The following C1QL1 variants were observed in gnomAD, a reference collection of about 807,000 sequenced individuals.
The protein encoded by C1QL1 is complement C1q like 1.
Under a neutral mutation model 14.2 loss-of-function variants are expected in C1QL1, and 15 were observed. The observed-to-expected ratio is 1.06, with a 90% CI of 0.71 to 1.62. C1QL1 has a LOEUF of 1.62. Ranked by LOEUF, C1QL1 falls within the 40% of genes most tolerant of loss-of-function variation. The probability of loss-of-function intolerance (pLI) is 0.00; values close to 1 mark genes in which losing one functional copy is unlikely to be tolerated. For synonymous variants in C1QL1, 172 were observed against 172.4 expected (o/e 1.00, Z 0.02); for missense variants, 346 against 380.3 (o/e 0.91, Z 0.75).
rs534330821 is a variant in C1QL1 at position 44,967,355 on chromosome 17, G to T, written c.597+97C>A. On this transcript the variant is annotated intron_variant, in intron 1 of 1. Coordinates refer to ENST00000253407, the MANE Select transcript of C1QL1 (RefSeq NM_006688.5). This position sits in a 1 kb window ranked among gnomAD's most constrained non-coding sequence, Gnocchi z 7.0. Reference sequence around the variant, plus strand: ...TGGGGTGGGATCTCCACCTGCGTCCGCCTGGCGCCCCCGCCAACTCCGATC... The same window carrying T: ...TGGGGTGGGATCTCCACCTGCGTCCTCCTGGCGCCCCCGCCAACTCCGATC... 7.6e-7 allele frequency: 1 copy of T among 1,311,184 alleles called. No individual in the cohort carries two copies. The highest frequency in any genetic ancestry group is 1.1e-6 in the Non-Finnish European group (1 of 950,064). 81.2% of individuals were successfully genotyped at this position (1,311,184 alleles called of 1,614,324 possible). A position where few individuals can be genotyped will look rare whatever the true frequency, so the allele number is the denominator to read the frequency against.
chr17:44,967,932 GC>G lies in C1QL1; in HGVS notation c.116del (p.Gly39AlafsTer14). 7.8e-7 allele frequency: 1 copy of G among 1,280,812 alleles called. No homozygotes were observed. The highest frequency in any genetic ancestry group is 3.0e-5 in the South Asian group (1 of 32,836). 79.3% of individuals were successfully genotyped at this position (1,280,812 alleles called of 1,614,324 possible). A position where few individuals can be genotyped will look rare whatever the true frequency, so the allele number is the denominator to read the frequency against. On this transcript the variant is annotated frameshift_variant, in exon 1 of 2. Transcript: ENST00000253407. LOFTEE classifies it high-confidence loss of function. The surrounding 1 kb of genome is among the most constrained non-coding windows in gnomAD (Gnocchi z 7.0). ...CGTCGGTCCGCGCGCCGGCGCCGGG[GC>G]CCCGCGCGGGGTAGGGGTCGCACAC... ...RMVCDPYPAR[G>X]PGAGARTDGG... is the part of the protein sequence containing the mutation.
At position 44,964,998 on chromosome 17, in the gene C1QL1, G is replaced by C. The variant is rs143971434; in HGVS notation, c.597+2454C>G. The stretch of plus-strand genomic sequence containing the variant: ...TGGGATTACAGGTATGCACCATCAC[G>C]CCCAGCTAATGTTTGTATTTTTTTT... On this transcript the variant is annotated intron_variant, in intron 1 of 1. Transcript: ENST00000253407. 3.3e-5 allele frequency among the ~76,000 whole-genome samples: 5 copies of C among 151,224 alleles called. No individual in the cohort carries two copies. The South Asian group carries it at 1.0e-3, about 32-fold the overall frequency.
chr17:44,961,810 C>T (rs1257236409), intron 1 of C1QL1, among the ~76,000 whole-genome samples: 17 of 146,160 alleles, frequency 1.2e-4, no homozygotes, highest in Admixed American at 7.6e-4. Context: ...GGCGTGAACC[C>T]GGGAAGCGGA....
intron 1 of C1QL1, among the ~76,000 whole-genome samples, chr17:44,963,739 A>T (rs1259693268): frequency 2.6e-5 from 4 of 151,968 alleles, no homozygotes; most frequent in Non-Finnish European, 5.9e-5. Context: ...TTAGGTCTTT[A>T]TACCACCACC....
At chr17:44,964,462 T>C (rs1435671565) in intron 1 of C1QL1, among the ~76,000 whole-genome samples, 1 of 152,168 alleles carries the variant, frequency 6.6e-6, no homozygotes, top group Non-Finnish European at 1.5e-5. Flanking sequence ...TTCACCATCT[T>C]CTCCCCCTGC....
chr17:44,960,097 G>C lies in C1QL1; in HGVS notation c.*91C>G. On this transcript the variant is annotated 3_prime_UTR_variant, in exon 2 of 2. Coordinates refer to ENST00000253407, the MANE Select transcript of C1QL1 (RefSeq NM_006688.5). ...TCATAGCCGGGGAGGGCCGGGCAGC[G>C]AGCGGGTGGGCGAGGGGCGAGTCAT... The C allele has an allele frequency of 3.4e-6, 4 of 1,188,798 alleles. No individual in the cohort carries two copies. Among genetic ancestry groups the C allele is most frequent in the Non-Finnish European group, 4.9e-6 (4 of 810,214 alleles). 73.6% of individuals were successfully genotyped at this position (1,188,798 alleles called of 1,614,324 possible).
At position 44,967,731 on chromosome 17, in the gene C1QL1, G is replaced by T; in HGVS notation, c.318C>A (p.Gly106=). ...PGEKGEPGKP[G]PPGLPGAGGS... ...CCCCCGCGCCCGGCAGCCCCGGAGG[G>T]CCCGGCTTGCCTGGCTCACCCTTCT... The change falls in exon 1 of 2, where the codon GGC becomes GGA. Residue 106 remains glycine, a synonymous_variant. Transcript: ENST00000253407. This position sits in a 1 kb window ranked among gnomAD's most constrained non-coding sequence, Gnocchi z 7.0. The T allele has an allele frequency of 5.6e-6, 9 of 1,603,204 alleles. No individual in the cohort carries two copies. Among genetic ancestry groups the T allele is most frequent in the Non-Finnish European group, 7.6e-6 (9 of 1,176,862 alleles).
rs771316628 is a variant in C1QL1, at chr17:44,967,544, T to C, written c.505A>G (p.Asn169Asp). The change falls in exon 1 of 2, where the codon AAC becomes GAC. Residue 169 changes from asparagine to aspartate, a missense_variant. Coordinates refer to ENST00000253407, the MANE Select transcript of C1QL1 (RefSeq NM_006688.5). The surrounding 1 kb of genome is among the most constrained non-coding windows in gnomAD (Gnocchi z 7.0). ...YDAASGKFTC[N>D]IPGTYFFTYH... The stretch of plus-strand genomic sequence containing the variant: ...GTGAAAAAGTAGGTGCCGGGAATGT[T>C]GCACGTAAACTTGCCGCTGGCCGCG... 2 of 1,614,118 alleles carry C rather than the reference T, an allele frequency of 1.2e-6. No individual in the cohort carries two copies. The highest frequency in any genetic ancestry group is 2.2e-5 in the East Asian group (1 of 44,872).
At chr17:44,965,015 A>T (rs1567809612) in intron 1 of C1QL1, among the ~76,000 whole-genome samples, 4 of 132,722 alleles carry the variant, frequency 3.0e-5, no homozygotes, top group Admixed American at 7.5e-5. Context: ...TAATGTTTGT[A>T]TTTTTTTTTT....
In C1QL1 at chr17:44,968,130, C is replaced by T; in HGVS notation, c.-82G>A. ...GCGCCGGGCCGCCCGGCCGCGCCGT[C>T]GGGGCAATGGTGCCGGCGGGCAGGG... On this transcript the variant is annotated 5_prime_UTR_variant, in exon 1 of 2. Coordinates refer to ENST00000253407, the MANE Select transcript of C1QL1 (RefSeq NM_006688.5). 1 of 928,696 alleles carries T rather than the reference C, an allele frequency of 1.1e-6. No individual in the cohort carries two copies. Among genetic ancestry groups the T allele is most frequent in the Non-Finnish European group, 1.4e-6 (1 of 734,016 alleles). The allele number at this position is 928,696 out of a possible 1,614,324, so 57.5% of individuals were successfully genotyped here.
chr17:44,966,441 A>G (rs1051938091), intron 1 of C1QL1, among the ~76,000 whole-genome samples: 1 of 152,196 alleles, frequency 6.6e-6, no homozygotes, highest in East Asian at 1.9e-4. Context: ...TTCGAAGAGA[A>G]TGCTCAGCCT....
intron 1 of C1QL1, among the ~76,000 whole-genome samples, chr17:44,961,748 C>T (rs1465203094): frequency 9.9e-4 from 150 of 150,836 alleles, no homozygotes; most frequent in African/African-American, 3.5e-3. Context: ...TAGCCGGGCG[C>T]GGTGGCGGGC....
intron 1 of C1QL1, among the ~76,000 whole-genome samples, chr17:44,966,538 C>A (rs1257399437): frequency 6.6e-6 from 1 of 152,290 alleles, no homozygotes; most frequent in Non-Finnish European, 1.5e-5. Flanking sequence ...ATTGTCACCC[C>A]AGGGCGGGGC....
Position 44,967,220 on chromosome 17 carries a change from C to T in C1QL1, c.597+232G>A, listed in dbSNP as rs1475458685. ...ATTTCCCGCATTTCCAGTAGCGTTC[C>T]AGACGGTGCCCAGCAGCGTCTGTCT... is the stretch of plus-strand genomic sequence containing the variant. On this transcript the variant is annotated intron_variant, in intron 1 of 1. Transcript: ENST00000253407. The surrounding 1 kb of genome is among the most constrained non-coding windows in gnomAD (Gnocchi z 7.0). 6.6e-6 allele frequency among the ~76,000 whole-genome samples: 1 copy of T among 152,270 alleles called. No individual in the cohort carries two copies. Among genetic ancestry groups the T allele is most frequent in the Non-Finnish European group, 1.5e-5 (1 of 68,048 alleles).
intron 1 of C1QL1, among the ~76,000 whole-genome samples, chr17:44,964,325 A>C (rs1018561570): frequency 2.0e-5 from 3 of 152,276 alleles, no homozygotes; most frequent in African/African-American, 7.2e-5. Context: ...GTTCCCATAC[A>C]TTGTCTGGTC....
At chr17:44,963,043 G>A (rs903458691) in intron 1 of C1QL1, among the ~76,000 whole-genome samples, 1 of 152,198 alleles carries the variant, frequency 6.6e-6, no homozygotes, top group Non-Finnish European at 1.5e-5. Context: ...TGGGGTCCAA[G>A]GGGAAGTGTG....
chr17:44,965,205 G>T (rs957242724), intron 1 of C1QL1, among the ~76,000 whole-genome samples: 1 of 152,122 alleles, frequency 6.6e-6, no homozygotes, highest in Non-Finnish European at 1.5e-5. Context: ...GTAGAGATGG[G>T]GTTTCACCGT....
chr17:44,963,343 T>C lies in C1QL1; in HGVS notation c.598-2976A>G, dbSNP rs147879755. Among the ~76,000 whole-genome samples, 573 of 150,536 alleles carry C rather than the reference T, an allele frequency of 3.8e-3. 5 individuals carry two copies. The highest frequency in any genetic ancestry group is 0.014 in the African/African-American group (541 of 39,866). On this transcript the variant is annotated intron_variant, in intron 1 of 1. Coordinates refer to ENST00000253407, the MANE Select transcript of C1QL1 (RefSeq NM_006688.5). ...TCCCACTGTGCCAGGCACTGTGCTC[T>C]GTGTTGTGAAAGGTATTAGGGGCCA...
Position 44,968,001 on chromosome 17 carries a change from G to T in C1QL1, c.48C>A (p.Gly16=), listed in dbSNP as rs1393028438. ...VVLIPVLVSS[G]GPEGHYEMLG... is the part of the protein sequence containing the mutation. ...GCATCTCATAGTGGCCTTCCGGGCCGCCCGAGCTCACCAGCACGGGGATGA... is the reference window on the plus strand; with the variant it reads ...GCATCTCATAGTGGCCTTCCGGGCCTCCCGAGCTCACCAGCACGGGGATGA... The change falls in exon 1 of 2, where the codon GGC becomes GGA. Residue 16 remains glycine, a synonymous_variant. Transcript: ENST00000253407. 1.4e-5 allele frequency: 19 copies of T among 1,388,074 alleles called. No individual in the cohort carries two copies. Among genetic ancestry groups the T allele is most frequent in the Non-Finnish European group, 1.8e-5 (19 of 1,067,084 alleles). The allele number at this position is 1,388,074 out of a possible 1,614,324, so 86.0% of individuals were successfully genotyped here.
Sources: allele counts gnomAD v4.1 joint callset (sites outside exome capture counted in the v4.1 genomes callset), GRCh38; gene constraint gnomAD v4.1.1; non-coding constraint Gnocchi (gnomAD v3.1); transcripts MANE v1.5; gene names NCBI Gene and HGNC (gene_info 2026-07-23, HGNC 2026-07-21).